FAS: variants seen among roughly 807,000 people sequenced by gnomAD.
FAS encodes tumor necrosis factor receptor superfamily member 6.
Under a neutral mutation model 33.2 loss-of-function variants are expected in FAS, and 5 were observed. The observed-to-expected ratio is 0.15, with a 90% CI of 0.08 to 0.32. The LOEUF is 0.32. FAS is among the 10% of genes least tolerant of loss of function. FAS has a pLI of 1.00. For missense variants in FAS, 339 were observed against 386.0 expected (o/e 0.88, Z 1.02); for synonymous variants, 131 against 130.7 (o/e 1.00, Z -0.01).
intron 2 of FAS, among the ~76,000 whole-genome samples, chr10:89,003,831 G>C (rs1456015215): frequency 6.6e-6 from 1 of 152,058 alleles, no homozygotes; most frequent in East Asian, 1.9e-4. Context: ...TTTGAGTAGA[G>C]TTGAAAAAAG....
At chr10:88,966,012 A>G (rs908870887) in intron 1 of FAS, among the ~76,000 whole-genome samples, 5 of 152,150 alleles carry the variant, frequency 3.3e-5, no homozygotes, top group Non-Finnish European at 7.3e-5. Context: ...CACTTGGGCA[A>G]TTTGTTAAAA....
upstream of FAS, chr10:88,990,735 CA>C (rs760197490): frequency 1.7e-4 from 165 of 980,548 alleles, no homozygotes; most frequent in Admixed American, 2.1e-3. This position sits in a 1 kb window ranked among gnomAD's most constrained non-coding sequence, Gnocchi z 4.9. Flanking sequence ...GCTGGAGCCT[CA>C]GGGGCGGGCA....
At chr10:89,014,088 A>G (rs776197555) in intron 8 of FAS, 31 bp from the exon 9 acceptor site, 10 of 1,606,698 alleles carry the variant, frequency 6.2e-6, no homozygotes, top group Middle Eastern at 3.3e-4. Context: ...ATTTAGAAAA[A>G]CAAATTTTCA....
intron 1 of FAS, among the ~76,000 whole-genome samples, chr10:88,994,625 A>C (rs1342484499): frequency 2.0e-5 from 3 of 152,044 alleles, no homozygotes; most frequent in African/African-American, 7.2e-5. Flanking sequence ...TTTACTTATA[A>C]ATTCTTAGCC....
At position 89,009,909 on chromosome 10, in the gene FAS, T is replaced by C. The variant is rs140629962; in HGVS notation, c.444-630T>C. Among the ~76,000 whole-genome samples the C allele has an allele frequency of 3.3e-3, 504 of 152,378 alleles. 3 individuals are homozygous for C. The highest frequency in any genetic ancestry group is 0.011 in the African/African-American group (464 of 41,588). On this transcript the variant is annotated intron_variant, in intron 4 of 8. Transcript: ENST00000652046. ...TTTGAAATAGATAATATTATTTCCA[T>C]GTTATTGATGAGATAAAAGGCTCAT...
intron 2 of FAS, among the ~76,000 whole-genome samples, chr10:88,981,132 G>T (rs1846700725): frequency 6.6e-6 from 1 of 152,220 alleles, no homozygotes; most frequent in African/African-American, 2.4e-5. Context: ...AGCGGGGCCA[G>T]TCCACAGGGT....
At chr10:88,980,744 G>A (rs12765241) in intron 2 of FAS, among the ~76,000 whole-genome samples, 14,059 of 152,186 alleles carry the variant, frequency 0.092, 857 homozygotes, top group Non-Finnish European at 0.13. Flanking sequence ...AATGAGACTC[G>A]AGCCATATAA....
In FAS at chr10:89,016,680, A is replaced by G. The variant is rs911332736; in HGVS notation, c.*2230A>G. The G allele has an allele frequency of 4.5e-5, 10 of 223,760 alleles. No individual in the cohort carries two copies. The highest frequency in any genetic ancestry group is 6.7e-5 in the African/African-American group (3 of 44,786). 13.9% of individuals were successfully genotyped at this position (223,760 alleles called of 1,614,324 possible). ...GACCCCACGGTCCAGAATCATCCTC[A>G]TTCTGGTGAACCTGGTTCTCTTTGT... On this transcript the variant is annotated 3_prime_UTR_variant, in exon 9 of 9. Transcript: ENST00000652046.
chr10:88,989,513 T>C (rs199651217), upstream of FAS: 24 of 544,240 alleles, frequency 4.4e-5, no homozygotes, highest in Admixed American at 4.4e-4. Context: ...AGGGTCTTCC[T>C]CATGGCACTA....
At chr10:88,990,791 G>A (rs778637136), upstream of FAS, 1 of 1,580,270 alleles carries the variant, frequency 6.3e-7, no homozygotes, top group Non-Finnish European at 8.7e-7. This position sits in a 1 kb window ranked among gnomAD's most constrained non-coding sequence, Gnocchi z 4.9. Context: ...TGCCCAGGCG[G>A]AGCTGCCTCT....
rs1398971675 is a variant in FAS, at chr10:89,016,994, A to T, written c.*2544A>T. 1.1e-5 allele frequency: 2 copies of T among 181,944 alleles called. No homozygotes were observed. The highest frequency in any genetic ancestry group is 4.7e-5 in the African/African-American group (2 of 42,440). 11.3% of individuals were successfully genotyped at this position (181,944 alleles called of 1,614,324 possible). A position where few individuals can be genotyped will look rare whatever the true frequency, so the allele number is the denominator to read the frequency against. Reference sequence around the variant, plus strand: ...TGATTGGTAATTTGTTTGGGTTTAGAATTCTATACAAGGCCATTTGTAATT... The same window carrying T: ...TGATTGGTAATTTGTTTGGGTTTAGTATTCTATACAAGGCCATTTGTAATT... On this transcript the variant is annotated 3_prime_UTR_variant, in exon 9 of 9. Transcript: ENST00000652046.
chr10:89,013,002 T>C (rs1848607204), intron 7 of FAS, among the ~76,000 whole-genome samples: 1 of 152,168 alleles, frequency 6.6e-6, no homozygotes. Context: ...AGAATAAGAA[T>C]AGTTACAGGG....
chr10:88,974,477 T>C (rs1199861503), intron 2 of FAS: 1 of 152,208 alleles, frequency 6.6e-6, no homozygotes, highest in Non-Finnish European at 1.5e-5. Flanking sequence ...GGTGGTCTTT[T>C]AAAAAATGAA....
At chr10:88,973,975 T>C (rs886362652) in intron 2 of FAS, 7 of 152,318 alleles carry the variant, frequency 4.6e-5, no homozygotes, top group Middle Eastern at 3.4e-3. Flanking sequence ...CTAATTTTTG[T>C]ATTTTTAGTA....
At chr10:88,984,937 G>T (rs563039694), upstream of FAS, among the ~76,000 whole-genome samples, 1 of 152,336 alleles carries the variant, frequency 6.6e-6, no homozygotes, top group Admixed American at 6.5e-5. Context: ...GCTGCAGGCA[G>T]TGCTTATGCT....
chr10:88,987,412 C>A (rs4934434), upstream of FAS, among the ~76,000 whole-genome samples: 53,517 of 152,010 alleles, frequency 0.35, 10,184 homozygotes, highest in East Asian at 0.52. Context: ...GGTTCAATTT[C>A]AGAACCAAAT....
At chr10:88,970,006 T>C (rs1846396780) in intron 1 of FAS, among the ~76,000 whole-genome samples, 1 of 152,200 alleles carries the variant, frequency 6.6e-6, no homozygotes, top group Non-Finnish European at 1.5e-5. Flanking sequence ...AAATTGCTCA[T>C]GGCAGACGTC....
rs527949679 is a variant in FAS at position 89,000,540 on chromosome 10, C to G, written c.31-2489C>G. Among the ~76,000 whole-genome samples, 4 of 152,308 alleles carry G rather than the reference C, an allele frequency of 2.6e-5. No homozygotes were observed. The South Asian group carries it at 8.3e-4, about 32-fold the overall frequency. On this transcript the variant is annotated intron_variant, in intron 1 of 8. Coordinates refer to ENST00000652046, the MANE Select transcript of FAS (RefSeq NM_000043.6). ...CTAGAAATAAGCACCATTAAAATTT[C>G]TGTGTGTTAAAAGATAATATGCTGC...
chr10:88,986,823 C>CT (rs879608874), upstream of FAS, among the ~76,000 whole-genome samples: 3 of 152,186 alleles, frequency 2.0e-5, no homozygotes, highest in Admixed American at 6.5e-5. Context: ...ATTTAACTTA[C>CT]TTTTTTTCAT....
Sources: gnomAD v4.1 joint callset for allele counts (sites outside exome capture counted in the v4.1 genomes callset) on GRCh38, gnomAD v4.1.1 for gene constraint, Gnocchi (gnomAD v3.1) non-coding constraint, MANE v1.5 for transcripts, NCBI Gene and HGNC (gene_info 2026-07-23, HGNC 2026-07-21) for gene names.